SEC63: variants seen among roughly 807,000 people sequenced by gnomAD.
The protein encoded by SEC63 is translocation protein SEC63 homolog.
Under a neutral mutation model 116.2 loss-of-function variants are expected in SEC63, and 56 were observed. The ratio of observed to expected loss-of-function variants is 0.48; its 90% CI spans 0.39 to 0.60. SEC63 has a LOEUF of 0.60. Among genes scored for constraint, SEC63 ranks in the 20% least tolerant of loss-of-function variants. The pLI is 0.00. For synonymous variants in SEC63, 273 were observed against 294.6 expected (o/e 0.93, Z 0.75); for missense variants, 668 against 900.0 (o/e 0.74, Z 3.30).
In SEC63 at chr6:107,890,498, C is replaced by T. The variant is rs529461152; in HGVS notation, c.1674+2984G>A. Among the ~76,000 whole-genome samples, 4 of 152,276 alleles carry T rather than the reference C, an allele frequency of 2.6e-5. No homozygotes were observed. In the South Asian group the frequency reaches 8.3e-4, roughly 32 times the overall value. On this transcript the variant is annotated intron_variant, in intron 16 of 20. Coordinates refer to ENST00000369002, the MANE Select transcript of SEC63 (RefSeq NM_007214.5). ...AGATGGGTCTCCTGAATACAGTATA[C>T]GGATGGGTCTTGACTCTTTATCCAA...
intron 1 of SEC63, among the ~76,000 whole-genome samples, chr6:107,944,290 G>A (rs1359047699): frequency 2.0e-5 from 3 of 152,156 alleles, no homozygotes; most frequent in Admixed American, 6.5e-5. Context: ...GGAGGGGAGG[G>A]GAAGAAAGTA....
At chr6:107,927,419 CAT>C (rs958940856) in intron 2 of SEC63, among the ~76,000 whole-genome samples, 94 of 152,218 alleles carry the variant, frequency 6.2e-4, no homozygotes, top group Non-Finnish European at 1.0e-3. Context: ...TAGTTTCGCA[CAT>C]GTGTCAGAAA....
intron 7 of SEC63, 59 bp downstream of exon 7, chr6:107,911,287 T>C: frequency 8.6e-7 from 1 of 1,158,908 alleles, no homozygotes; most frequent in Non-Finnish European, 1.3e-6. Flanking sequence ...ATAGGGAGAC[T>C]CCAAAACATG....
At chr6:107,930,168 G>A (rs1330133400) in intron 1 of SEC63, 3 of 101,346 alleles carry the variant, frequency 3.0e-5, no homozygotes, top group East Asian at 2.8e-4. Context: ...AATTTGCAAA[G>A]TATTCTTTTT....
chr6:107,937,331 G>A (rs952368783), intron 1 of SEC63, among the ~76,000 whole-genome samples: 8 of 151,978 alleles, frequency 5.3e-5, no homozygotes, highest in African/African-American at 1.9e-4. Flanking sequence ...TCTCCATGTT[G>A]GTCAGGCTGG....
intron 14 of SEC63, among the ~76,000 whole-genome samples, chr6:107,896,533 C>A (rs1225941249): frequency 6.6e-6 from 1 of 152,074 alleles, no homozygotes; most frequent in Non-Finnish European, 1.5e-5. Context: ...AAGCATGAGA[C>A]AAGTACCAAT....
At position 107,958,140 on chromosome 6, in the gene SEC63, A is replaced by AC; in HGVS notation, c.-132dup. 2.2e-6 allele frequency: 3 copies of AC among 1,384,054 alleles called. No homozygotes were observed. Among genetic ancestry groups the AC allele is most frequent in the Non-Finnish European group, 3.0e-6 (3 of 1,010,606 alleles). The allele number at this position is 1,384,054 out of a possible 1,614,324, so 85.7% of individuals were successfully genotyped here. A position where few individuals can be genotyped will look rare whatever the true frequency, so the allele number is the denominator to read the frequency against. ...GCCGCCGCCTCTCCTCCCCGCCCCC[A>AC]CGCCACTCTCACGGACACGCCGCCG... On this transcript the variant is annotated 5_prime_UTR_variant, in exon 1 of 21. Coordinates refer to ENST00000369002, the MANE Select transcript of SEC63 (RefSeq NM_007214.5).
At chr6:107,948,169 T>C (rs1770513909) in intron 1 of SEC63, among the ~76,000 whole-genome samples, 1 of 152,136 alleles carries the variant, frequency 6.6e-6, no homozygotes, top group Non-Finnish European at 1.5e-5. Context: ...TATAATTATT[T>C]ACTCCTTCCT....
chr6:107,921,859 T>C lies in SEC63; in HGVS notation c.390A>G (p.Lys130=), dbSNP rs1484776576. 1 of 1,613,002 alleles carries C rather than the reference T, an allele frequency of 6.2e-7. No homozygotes were observed. The highest frequency in any genetic ancestry group is 8.5e-7 in the Non-Finnish European group (1 of 1,179,244). The change falls in exon 4 of 21, where the codon AAA becomes AAG. Residue 130 remains lysine (K), a synonymous_variant. Transcript: ENST00000369002. ...IKKQYRLLSL[K]YHPDKGGDEV... Reference sequence around the variant, plus strand: ...CATCACCTCCTTTATCTGGATGATATTTAAGTGACAGCAAACGATATTGTT... The same window carrying C: ...CATCACCTCCTTTATCTGGATGATACTTAAGTGACAGCAAACGATATTGTT...
chr6:107,933,588 T>C (rs1012106864), intron 1 of SEC63, among the ~76,000 whole-genome samples: 2 of 152,196 alleles, frequency 1.3e-5, no homozygotes, highest in African/African-American at 4.8e-5. Context: ...ACTAAATAAC[T>C]GGTCTCTAAT....
At chr6:107,907,585 A>G (rs1383362735) in intron 8 of SEC63, among the ~76,000 whole-genome samples, 2 of 151,712 alleles carry the variant, frequency 1.3e-5, no homozygotes, top group African/African-American at 4.8e-5. Flanking sequence ...TGCCTCAGAG[A>G]AAAAAAAATC....
intron 6 of SEC63, among the ~76,000 whole-genome samples, chr6:107,911,754 A>C (rs951971428): frequency 2.0e-5 from 3 of 152,160 alleles, no homozygotes; most frequent in African/African-American, 4.8e-5. Flanking sequence ...ACACCAGCAA[A>C]ACAGTTTTGT....
chr6:107,873,150 T>C (rs943835351), intron 19 of SEC63, among the ~76,000 whole-genome samples: 2 of 152,178 alleles, frequency 1.3e-5, no homozygotes, highest in Non-Finnish European at 2.9e-5. Context: ...TGAGGTTAAT[T>C]TGTCTCTCCA....
At chr6:107,946,177 C>T (rs1377474583) in intron 1 of SEC63, among the ~76,000 whole-genome samples, 7 of 150,682 alleles carry the variant, frequency 4.6e-5, no homozygotes, top group Admixed American at 2.7e-4. Flanking sequence ...CCTCATGATC[C>T]GCCTACCGTG....
intron 16 of SEC63, among the ~76,000 whole-genome samples, chr6:107,885,504 AT>A (rs1204307100): frequency 6.6e-6 from 1 of 152,208 alleles, no homozygotes; most frequent in Non-Finnish European, 1.5e-5. Context: ...ATTAGGGAAG[AT>A]CCAAATTAAT....
At chr6:107,882,943 GATATA>G (rs1228485031) in intron 17 of SEC63, 40 bp downstream of exon 17, 2 of 1,271,970 alleles carry the variant, frequency 1.6e-6, no homozygotes, top group Non-Finnish European at 2.3e-6. Flanking sequence ...TATCATCAGA[GATATA>G]ATTCCAATTA....
intron 1 of SEC63, among the ~76,000 whole-genome samples, chr6:107,942,160 G>C (rs1023819545): frequency 6.6e-6 from 1 of 152,028 alleles, no homozygotes; most frequent in Non-Finnish European, 1.5e-5. Flanking sequence ...CTTTGGTCCT[G>C]TAAGTATTCA....
At chr6:107,876,506 G>T in intron 19 of SEC63, 58 bp downstream of exon 19, 2 of 987,702 alleles carry the variant, frequency 2.0e-6, no homozygotes, top group Non-Finnish European at 3.3e-6. Flanking sequence ...ATATGAAGCA[G>T]CATGATGGTG....
intron 4 of SEC63, among the ~76,000 whole-genome samples, chr6:107,914,687 T>C (rs1787359463): frequency 6.6e-6 from 1 of 152,178 alleles, no homozygotes; most frequent in Non-Finnish European, 1.5e-5. Context: ...GGGATGTTTC[T>C]CAAAAATTTT....
Sources: gnomAD v4.1 joint callset for allele counts (sites outside exome capture counted in the v4.1 genomes callset) on GRCh38, gnomAD v4.1.1 for gene constraint, MANE v1.5 for transcripts, NCBI Gene and HGNC (gene_info 2026-07-23, HGNC 2026-07-21) for gene names.